Variants in PLVAP observed in about 807,000 individuals in gnomAD.
PLVAP encodes plasmalemma vesicle associated protein, also known as plasmalemma vesicle-associated protein.
In PLVAP, 34 loss-of-function variants were observed where a neutral mutation model predicts 43.1. That is an observed-to-expected ratio of 0.79 (90% CI 0.60 to 1.05). The LOEUF is 1.05. Among genes scored for constraint, PLVAP ranks in the 50% least tolerant of loss-of-function variants. The pLI, the probability that PLVAP is intolerant of heterozygous loss-of-function variation, is 0.00. For missense variants in PLVAP, 574 were observed against 593.4 expected, an observed-to-expected ratio of 0.97 and a Z score of 0.34; for synonymous variants, 241 against 237.3, an observed-to-expected ratio of 1.02 and a Z score of -0.14.
chr19:17,377,309 G>A lies in PLVAP; in HGVS notation c.-21C>T. On this transcript the variant is annotated 5_prime_UTR_variant, in exon 1 of 6. Coordinates refer to ENST00000252590, the MANE Select transcript of PLVAP (RefSeq NM_031310.3). ...CCCATTTGCTCGATCCCGCCGTCCG[G>A]TGCACCGTCCCTGCTCACCACCAGG... The A allele has an allele frequency of 6.3e-7, 1 of 1,586,212 alleles. No homozygotes were observed. Among genetic ancestry groups the A allele is most frequent in the Non-Finnish European group, 8.6e-7 (1 of 1,160,994 alleles).
chr19:17,360,027 C>T (rs866855556), intron 5 of PLVAP, among the ~76,000 whole-genome samples: 4 of 152,260 alleles, frequency 2.6e-5, no homozygotes, highest in Middle Eastern at 3.4e-3. Flanking sequence ...AGGCCAGCTC[C>T]TCATGCTCCA....
rs550789087 is a variant in PLVAP at position 17,376,338 on chromosome 19, A to G, written c.369+582T>C. On this transcript the variant is annotated intron_variant, in intron 1 of 5. Coordinates refer to ENST00000252590, the MANE Select transcript of PLVAP (RefSeq NM_031310.3). ...GACCTCATCTCTGCTAAATATAAAC[A>G]TATTAGCTGGGTGTGGTGGTGCACG... Among the ~76,000 whole-genome samples the G allele has an allele frequency of 6.7e-3, 1,026 of 152,106 alleles. 4 individuals are homozygous for G. The highest frequency in any genetic ancestry group is 0.011 in the Non-Finnish European group (759 of 67,994).
At chr19:17,374,248 C>T (rs1434137246) in intron 1 of PLVAP, among the ~76,000 whole-genome samples, 1 of 152,126 alleles carries the variant, frequency 6.6e-6, no homozygotes, top group Non-Finnish European at 1.5e-5. Context: ...GGGTGGATCA[C>T]AGGGTCAGGA....
Position 17,360,984 on chromosome 19 carries a change from G to C in PLVAP, c.1180-152C>G, listed in dbSNP as rs2074526347. ...GGCTGGAGTGCAGTGGTGTGATCTT[G>C]GCTCATTGCAAACTCTGCCTCCCAG... On this transcript the variant is annotated intron_variant, in intron 3 of 5. Coordinates refer to ENST00000252590, the MANE Select transcript of PLVAP (RefSeq NM_031310.3). The C allele has an allele frequency of 4.4e-6, 3 of 682,078 alleles. No homozygotes were observed. In the South Asian group the frequency reaches 6.0e-5, roughly 14 times the overall value. 42.3% of individuals were successfully genotyped at this position (682,078 alleles called of 1,614,324 possible).
intron 5 of PLVAP, 46 bp downstream of exon 5, chr19:17,360,482 C>T (rs771073974): frequency 1.3e-5 from 20 of 1,579,606 alleles, no homozygotes; most frequent in African/African-American, 8.1e-5. Context: ...CCTAGCTTTG[C>T]CCACAGTTCT....
Position 17,352,280 on chromosome 19 carries a change from G to A in PLVAP, c.*82C>T. On this transcript the variant is annotated 3_prime_UTR_variant, in exon 6 of 6. Coordinates refer to ENST00000252590, the MANE Select transcript of PLVAP (RefSeq NM_031310.3). ...GTTGGGGGCGGCGGGAGGGGGTTGTGTCGGGCGCTGTGAGCATATCCCTGC... is the reference window on the plus strand; with the variant it reads ...GTTGGGGGCGGCGGGAGGGGGTTGTATCGGGCGCTGTGAGCATATCCCTGC... The A allele has an allele frequency of 6.4e-7, 1 of 1,570,956 alleles. No homozygotes were observed. Among genetic ancestry groups the A allele is most frequent in the Non-Finnish European group, 8.7e-7 (1 of 1,144,540 alleles).
Position 17,351,471 on chromosome 19 carries a change from T to G in PLVAP, c.*891A>C, listed in dbSNP as rs2074484346. 1 of 152,168 alleles carries G rather than the reference T, an allele frequency of 6.6e-6. No homozygotes were observed. The highest frequency in any genetic ancestry group is 1.5e-5 in the Non-Finnish European group (1 of 68,030). 9.4% of individuals were successfully genotyped at this position (152,168 alleles called of 1,614,324 possible). On this transcript the variant is annotated 3_prime_UTR_variant, in exon 6 of 6. Coordinates refer to ENST00000252590, the MANE Select transcript of PLVAP (RefSeq NM_031310.3). ...GAGTCTTTGAAGGATTTACTAATAT[T>G]TATTAAGTGCCACCAACATTTCAAC...
At chr19:17,356,391 C>G (rs74253216) in intron 5 of PLVAP, among the ~76,000 whole-genome samples, 10,194 of 152,204 alleles carry the variant, frequency 0.067, 452 homozygotes, top group East Asian at 0.18. Flanking sequence ...CGTCGGCCAT[C>G]GATTTGGGAA....
chr19:17,374,307 A>C (rs1399243838), intron 1 of PLVAP, among the ~76,000 whole-genome samples: 1 of 152,142 alleles, frequency 6.6e-6, no homozygotes, highest in African/African-American at 2.4e-5. Context: ...TCTACTAAAA[A>C]TAGAAAAATT....
intron 5 of PLVAP, among the ~76,000 whole-genome samples, chr19:17,355,851 G>A (rs977465349): frequency 1.3e-5 from 2 of 151,954 alleles, no homozygotes; most frequent in African/African-American, 2.4e-5. Context: ...TCTTTATATC[G>A]TTTTTAAAGA....
intron 3 of PLVAP, chr19:17,361,066 C>A: frequency 2.1e-6 from 1 of 469,830 alleles, no homozygotes; most frequent in Non-Finnish European, 3.8e-6. Context: ...AGTCACACAC[C>A]ACCATGCCTG....
chr19:17,358,156 G>A (rs920403896), intron 5 of PLVAP, among the ~76,000 whole-genome samples: 1 of 152,092 alleles, frequency 6.6e-6, no homozygotes, highest in Non-Finnish European at 1.5e-5. Context: ...CCCTCCCTGT[G>A]GGCTGCTCAG....
Position 17,352,196 on chromosome 19 carries a change from G to T in PLVAP, c.*166C>A. The T allele has an allele frequency of 1.1e-6, 1 of 903,070 alleles. No homozygotes were observed. The highest frequency in any genetic ancestry group is 1.7e-6 in the Non-Finnish European group (1 of 587,622). 55.9% of individuals were successfully genotyped at this position (903,070 alleles called of 1,614,324 possible). On this transcript the variant is annotated 3_prime_UTR_variant, in exon 6 of 6. Transcript: ENST00000252590. ...TGAGGGATCGTGAGGCGCGGGTGCG[G>T]GTGTGAGAGGGTACTAGGGGTTTGC...
intron 1 of PLVAP, among the ~76,000 whole-genome samples, chr19:17,367,264 G>C (rs909902792): frequency 3.6e-4 from 55 of 152,108 alleles, no homozygotes; most frequent in African/African-American, 1.1e-3. Context: ...GCCCAGGCTA[G>C]AGTACAGTGG....
intron 5 of PLVAP, 32 bp downstream of exon 5, chr19:17,360,496 A>C (rs377546135): frequency 6.2e-7 from 1 of 1,600,070 alleles, no homozygotes; most frequent in Admixed American, 1.7e-5. Context: ...CAGTTCTAAG[A>C]CTGAACAACT....
At chr19:17,369,334 C>T (rs2074562688) in intron 1 of PLVAP, among the ~76,000 whole-genome samples, 1 of 151,180 alleles carries the variant, frequency 6.6e-6, no homozygotes, top group East Asian at 2.0e-4. Context: ...TACAGGTGTG[C>T]ACCACCATAC....
intron 1 of PLVAP, among the ~76,000 whole-genome samples, chr19:17,368,973 A>T (rs1386191631): frequency 1.3e-5 from 2 of 151,622 alleles, no homozygotes; most frequent in African/African-American, 4.9e-5. Flanking sequence ...ACAGAGCGAG[A>T]CTCCGTCTCA....
In PLVAP at chr19:17,365,388, G is replaced by A; in HGVS notation, c.1077C>T (p.Asp359=). ...TCTCTTCCAGCTCCTTGGCCAGGTT[G>A]TCTCGTTCCTTCCGCAGCACCGCCT... ...EEKAVLRKER[D]NLAKELEEKK... Residue 359 remains aspartate (D), a synonymous_variant, in exon 3 of 6, where the codon GAC becomes GAT. Transcript: ENST00000252590. The A allele has an allele frequency of 6.2e-7, 1 of 1,613,392 alleles. No individual in the cohort carries two copies.
chr19:17,371,589 C>G (rs1028467356), intron 1 of PLVAP, among the ~76,000 whole-genome samples: 1 of 152,088 alleles, frequency 6.6e-6, no homozygotes, highest in African/African-American at 2.4e-5. Context: ...TCCCCAGGCT[C>G]GGGCAATCCT....
Sources: allele counts gnomAD v4.1 joint callset (sites outside exome capture counted in the v4.1 genomes callset), GRCh38; gene constraint gnomAD v4.1.1; transcripts MANE v1.5; gene names NCBI Gene and HGNC (gene_info 2026-07-23, HGNC 2026-07-21).